Variants in EXOC6B observed in about 807,000 individuals in gnomAD.
EXOC6B encodes the protein exocyst complex component 6B.
A neutral mutation model predicts 113.5 loss-of-function variants in EXOC6B; 54 were observed. That is an observed-to-expected ratio of 0.48 (90% confidence interval 0.38 to 0.60). The LOEUF is 0.60. Among genes scored for constraint, EXOC6B ranks in the 20% least tolerant of loss-of-function variants. The pLI is 0.00. For missense variants in EXOC6B, 797 were observed against 977.5 expected (o/e 0.82, Z 2.46); for synonymous variants, 357 against 339.0 (o/e 1.05, Z -0.58).
intron 20 of EXOC6B, among the ~76,000 whole-genome samples, chr2:72,301,229 C>T (rs1421923956): frequency 6.6e-6 from 1 of 152,116 alleles, no homozygotes; most frequent in Non-Finnish European, 1.5e-5. Context: ...TTTGATTGTG[C>T]TGCTGAATTT....
At chr2:72,584,673 C>T (rs770215924) in intron 6 of EXOC6B, among the ~76,000 whole-genome samples, 7 of 152,174 alleles carry the variant, frequency 4.6e-5, no homozygotes, top group Non-Finnish European at 1.0e-4. Flanking sequence ...CAGACATCTA[C>T]AGAACACTTC....
intron 6 of EXOC6B, among the ~76,000 whole-genome samples, chr2:72,651,741 A>C (rs1476270215): frequency 2.0e-5 from 3 of 152,052 alleles, no homozygotes; most frequent in Admixed American, 6.6e-5. Context: ...GACTACAGGC[A>C]CCTGCCACCA....
At chr2:72,543,411 A>G (rs1702723916) in intron 8 of EXOC6B, among the ~76,000 whole-genome samples, 1 of 148,350 alleles carries the variant, frequency 6.7e-6, no homozygotes, top group Non-Finnish European at 1.5e-5. Flanking sequence ...TGTGGTGTCT[A>G]AAACTATTTA....
intron 20 of EXOC6B, among the ~76,000 whole-genome samples, chr2:72,282,433 C>T (rs1183443793): frequency 1.3e-5 from 2 of 149,414 alleles, no homozygotes; most frequent in Non-Finnish European, 3.0e-5. Context: ...AATTAACAGG[C>T]TAATAGAAAA....
intron 6 of EXOC6B, among the ~76,000 whole-genome samples, chr2:72,640,816 A>C (rs978300154): frequency 1.3e-5 from 2 of 152,240 alleles, no homozygotes; most frequent in Non-Finnish European, 2.9e-5. Context: ...AGCAGGGGTT[A>C]CAAACCTAGT....
At chr2:72,724,032 T>C (rs539272457) in intron 5 of EXOC6B, among the ~76,000 whole-genome samples, 5 of 152,282 alleles carry the variant, frequency 3.3e-5, no homozygotes, top group African/African-American at 1.2e-4. Flanking sequence ...TCAGTGATAG[T>C]AGCTCAGGAA....
At chr2:72,425,789 G>A (rs1345055747) in intron 18 of EXOC6B, among the ~76,000 whole-genome samples, 1 of 151,986 alleles carries the variant, frequency 6.6e-6, no homozygotes, top group African/African-American at 2.4e-5. Context: ...TAAGTTTTTA[G>A]AGACAGATCA....
intron 20 of EXOC6B, among the ~76,000 whole-genome samples, chr2:72,223,685 T>TG (rs1559032620): frequency 1.1e-3 from 169 of 151,416 alleles, no homozygotes; most frequent in African/African-American, 3.9e-3. Context: ...AAGGCCTGTT[T>TG]TTTGTTTGTT....
intron 18 of EXOC6B, among the ~76,000 whole-genome samples, chr2:72,450,570 G>C (rs868054290): frequency 6.6e-6 from 1 of 152,134 alleles, no homozygotes; most frequent in African/African-American, 2.4e-5. Flanking sequence ...GTCATGGTTT[G>C]GTAGTTTTAG....
chr2:72,534,240 CATGTT>C (rs765412078), intron 8 of EXOC6B, among the ~76,000 whole-genome samples: 4 of 151,944 alleles, frequency 2.6e-5, no homozygotes, highest in Non-Finnish European at 5.9e-5. Context: ...TTCTAATGAG[CATGTT>C]ATAACTTTGG....
At chr2:72,792,442 C>T (rs1051399684) in intron 1 of EXOC6B, among the ~76,000 whole-genome samples, 1 of 152,146 alleles carries the variant, frequency 6.6e-6, no homozygotes, top group Non-Finnish European at 1.5e-5. Flanking sequence ...CAGTAGCATC[C>T]AAATGTTTCC....
At chr2:72,788,785 C>G (rs374035375) in intron 1 of EXOC6B, among the ~76,000 whole-genome samples, 1 of 152,110 alleles carries the variant, frequency 6.6e-6, no homozygotes, top group Non-Finnish European at 1.5e-5. Flanking sequence ...GGCAACAGAG[C>G]CTCAAAAAAG....
chr2:72,652,451 G>A lies in EXOC6B; in HGVS notation c.669+65652C>T, dbSNP rs1000214812. On this transcript the variant is annotated intron_variant, in intron 6 of 21. Transcript: ENST00000272427. Reference sequence around the variant, plus strand: ...CTGCTGATTATATAGGATACATATCGATCATTCAAGTCAACATTGCTAGGC... The same window carrying A: ...CTGCTGATTATATAGGATACATATCAATCATTCAAGTCAACATTGCTAGGC... 1.2e-4 allele frequency among the ~76,000 whole-genome samples: 18 copies of A among 152,072 alleles called. No homozygotes were observed. The East Asian group carries it at 3.1e-3, about 26-fold the overall frequency.
chr2:72,304,285 T>C (rs1209607382), intron 20 of EXOC6B, among the ~76,000 whole-genome samples: 1 of 152,234 alleles, frequency 6.6e-6, no homozygotes, highest in Non-Finnish European at 1.5e-5. Flanking sequence ...TTTATACTTA[T>C]ATTCTTGTAC....
intron 20 of EXOC6B, among the ~76,000 whole-genome samples, chr2:72,279,226 G>A (rs1684980485): frequency 6.6e-6 from 1 of 152,210 alleles, no homozygotes; most frequent in African/African-American, 2.4e-5. Flanking sequence ...AGAACAGAGA[G>A]ACTGGATATT....
intron 17 of EXOC6B, among the ~76,000 whole-genome samples, chr2:72,474,680 A>G (rs577212204): frequency 2.6e-5 from 4 of 151,962 alleles, no homozygotes; most frequent in Admixed American, 1.3e-4. Flanking sequence ...ATTTCTTTGT[A>G]TTGTTTTGCA....
Position 72,496,497 on chromosome 2 carries a change from T to G in EXOC6B, c.1400A>C (p.Lys467Thr). ...TTGAAATGGGAATTGTCCTACCACC[T>G]TTTTGTACATCTCTTCACTTGTTAC... ...IPVTSEEMYK[K>T]VVGQFPFQDI... is the part of the protein sequence containing the mutation. Residue 467 changes from lysine (K) to threonine (T), a missense_variant, in exon 14 of 22, where the codon AAG becomes ACG. By Grantham distance (78) the Lys-to-Thr change is moderately conservative (BLOSUM62 -1). Coordinates refer to ENST00000272427, the MANE Select transcript of EXOC6B (RefSeq NM_015189.3). 6.2e-7 allele frequency: 1 copy of G among 1,601,052 alleles called. No individual in the cohort carries two copies. Among genetic ancestry groups the G allele is most frequent in the Non-Finnish European group, 8.5e-7 (1 of 1,171,858 alleles).
chr2:72,376,010 C>G (rs767433857), intron 19 of EXOC6B, among the ~76,000 whole-genome samples: 4 of 152,180 alleles, frequency 2.6e-5, no homozygotes, highest in Non-Finnish European at 4.4e-5. Flanking sequence ...AGGGCCACTT[C>G]TGCCACATTC....
At chr2:72,362,141 A>G (rs1690353418) in intron 19 of EXOC6B, among the ~76,000 whole-genome samples, 1 of 152,210 alleles carries the variant, frequency 6.6e-6, no homozygotes, top group Admixed American at 6.5e-5. Context: ...AGCATATTTA[A>G]TTGACCATCA....
Sources: gnomAD v4.1 joint callset for allele counts (sites outside exome capture counted in the v4.1 genomes callset) on GRCh38, gnomAD v4.1.1 for gene constraint, MANE v1.5 for transcripts, NCBI Gene and HGNC (gene_info 2026-07-23, HGNC 2026-07-21) for gene names.